Variants in ZFYVE28 observed in about 807,000 individuals in gnomAD.
ZFYVE28 encodes zinc finger FYVE-type containing 28.
In ZFYVE28, 40 loss-of-function variants were observed where a neutral mutation model predicts 82.1. The ratio of observed to expected loss-of-function variants is 0.49; its 90% CI spans 0.38 to 0.63. The LOEUF (loss-of-function observed/expected upper bound fraction) is 0.63. Ranked by LOEUF, ZFYVE28 falls within the 30% of genes least tolerant of loss-of-function variation. The pLI is 0.00. For missense variants in ZFYVE28, 1,321 were observed against 1,242.1 expected (o/e 1.06, Z -0.96); for synonymous variants, 612 against 546.1 (o/e 1.12, Z -1.68).
At chr4:2,271,226 A>G (rs973033888) in intron 12 of ZFYVE28, 85 bp downstream of exon 12, 10 of 1,383,756 alleles carry the variant, frequency 7.2e-6, no homozygotes, top group Admixed American at 2.0e-5. Flanking sequence ...CTCCCTGGGC[A>G]TCGGTTCTGA....
chr4:2,350,450 C>G (rs1361431453), intron 2 of ZFYVE28, among the ~76,000 whole-genome samples: 2 of 150,290 alleles, frequency 1.3e-5, no homozygotes, highest in Non-Finnish European at 3.0e-5. Context: ...GGCGACAGAG[C>G]GAGACTCCGT....
chr4:2,399,878 C>T (rs560112544), intron 1 of ZFYVE28, among the ~76,000 whole-genome samples: 2 of 152,374 alleles, frequency 1.3e-5, no homozygotes, highest in East Asian at 1.9e-4. Flanking sequence ...CTGTCACCCA[C>T]GTCAAAGCTT....
chr4:2,385,683 T>C (rs974671496), intron 1 of ZFYVE28, among the ~76,000 whole-genome samples: 8 of 152,178 alleles, frequency 5.3e-5, no homozygotes, highest in East Asian at 1.9e-4. Flanking sequence ...TCCAGCCCCA[T>C]TGGCTTGCCT....
intron 4 of ZFYVE28, among the ~76,000 whole-genome samples, chr4:2,338,828 GGTT>G (rs1048687095): frequency 1.3e-5 from 2 of 152,104 alleles, no homozygotes; most frequent in African/African-American, 4.8e-5. Flanking sequence ...TGTTTGTTGT[GGTT>G]GTTGTTGTTT....
intron 9 of ZFYVE28, 42 bp downstream of exon 9, chr4:2,274,020 T>C: frequency 1.2e-6 from 2 of 1,604,878 alleles, no homozygotes; most frequent in South Asian, 1.1e-5. Context: ...GCAGCCCGTG[T>C]GTCCTCAAGC....
At chr4:2,330,747 C>G in intron 6 of ZFYVE28, 3 of 1,484,966 alleles carry the variant, frequency 2.0e-6, no homozygotes, top group African/African-American at 1.4e-5. Flanking sequence ...GGGGACAGTG[C>G]GGGGGAGGGG....
Position 2,270,441 on chromosome 4 carries a change from G to T in ZFYVE28, c.*284C>A, listed in dbSNP as rs933779033. On this transcript the variant is annotated 3_prime_UTR_variant, in exon 13 of 13. Coordinates refer to ENST00000290974, the MANE Select transcript of ZFYVE28 (RefSeq NM_020972.3). Reference sequence around the variant, plus strand: ...AGATCTCCGAGGGACCAGTGGGAGGGCCCAGGCCTTCTCCGCCAGGCACCC... The same window carrying T: ...AGATCTCCGAGGGACCAGTGGGAGGTCCCAGGCCTTCTCCGCCAGGCACCC... 1.8e-5 allele frequency: 9 copies of T among 487,132 alleles called. No homozygotes were observed. Among genetic ancestry groups the T allele is most frequent in the African/African-American group, 1.6e-4 (8 of 51,252 alleles). 30.2% of individuals were successfully genotyped at this position (487,132 alleles called of 1,614,324 possible).
At chr4:2,389,401 T>G (rs1031978223) in intron 1 of ZFYVE28, among the ~76,000 whole-genome samples, 2 of 152,172 alleles carry the variant, frequency 1.3e-5, no homozygotes, top group Non-Finnish European at 2.9e-5. Context: ...ACAGACACAC[T>G]GCCCAGCCCT....
intron 6 of ZFYVE28, among the ~76,000 whole-genome samples, chr4:2,325,495 T>A (rs1229330632): frequency 6.6e-6 from 1 of 152,186 alleles, no homozygotes; most frequent in Non-Finnish European, 1.5e-5. Flanking sequence ...AAAGCGTTTG[T>A]GCAAAAATAC....
chr4:2,418,212 G>A lies in ZFYVE28; in HGVS notation c.39+73C>T. 7.0e-7 allele frequency: 1 copy of A among 1,422,118 alleles called. No individual in the cohort carries two copies. Among genetic ancestry groups the A allele is most frequent in the Non-Finnish European group, 9.4e-7 (1 of 1,063,500 alleles). 88.1% of individuals were successfully genotyped at this position (1,422,118 alleles called of 1,614,324 possible). A position where few individuals can be genotyped will look rare whatever the true frequency, so the allele number is the denominator to read the frequency against. On this transcript the variant is annotated intron_variant, in intron 1 of 12. Transcript: ENST00000290974. The surrounding 1 kb of genome is among the most constrained non-coding windows in gnomAD (Gnocchi z 4.6). ...ACAGGGAAAGGGAGTCCGTCTTGTA[G>A]GGCGGACGGGCGGTCCTGGGGAAGG...
chr4:2,337,622 C>A, intron 4 of ZFYVE28, 126 bp from the exon 5 acceptor site: 2 of 691,192 alleles, frequency 2.9e-6, no homozygotes, highest in Non-Finnish European at 4.8e-6. Context: ...GGCCTCACGC[C>A]TGTAATCCCA....
chr4:2,348,117 C>T (rs920037872), intron 2 of ZFYVE28, among the ~76,000 whole-genome samples: 23 of 152,084 alleles, frequency 1.5e-4, no homozygotes, highest in African/African-American at 5.1e-4. Flanking sequence ...ATAACAGGAA[C>T]GAGAGAGGTG....
At chr4:2,283,028 AACCACAT>A (rs1712159113) in intron 8 of ZFYVE28, among the ~76,000 whole-genome samples, 2 of 152,218 alleles carry the variant, frequency 1.3e-5, no homozygotes, top group South Asian at 4.1e-4. Context: ...GCATTTGTAC[AACCACAT>A]ACCAATTCTA....
At position 2,269,648 on chromosome 4, in the gene ZFYVE28, A is replaced by C. The variant is rs1735754671; in HGVS notation, c.*1077T>G. ...ATGGCTTCAAATTACAGCATTTAGA[A>C]AATAAATATAATCTCAATACATAAT... is the stretch of plus-strand genomic sequence containing the variant. On this transcript the variant is annotated 3_prime_UTR_variant, in exon 13 of 13. Coordinates refer to ENST00000290974, the MANE Select transcript of ZFYVE28 (RefSeq NM_020972.3). 6.6e-6 allele frequency: 1 copy of C among 152,232 alleles called. No individual in the cohort carries two copies. Among genetic ancestry groups the C allele is most frequent in the South Asian group, 2.1e-4 (1 of 4,830 alleles). 9.4% of individuals were successfully genotyped at this position (152,232 alleles called of 1,614,324 possible).
intron 6 of ZFYVE28, chr4:2,324,718 A>C: frequency 6.0e-6 from 1 of 166,682 alleles, no homozygotes; most frequent in South Asian, 1.6e-4. Flanking sequence ...ACGAATCCCC[A>C]CATAATGCTA....
chr4:2,275,245 CAG>C lies in ZFYVE28; in HGVS notation c.2052-1031_2052-1030del, dbSNP rs568850418. 1.2e-4 allele frequency among the ~76,000 whole-genome samples: 18 copies of C among 152,342 alleles called. No homozygotes were observed. In the South Asian group the frequency reaches 3.7e-3, roughly 32 times the overall value. ...CTCAGCTTTCATCAGATTTGCTACT[CAG>C]GGGTTCCACGGTGACCCTATAAATC... On this transcript the variant is annotated intron_variant, in intron 8 of 12. Transcript: ENST00000290974.
chr4:2,329,182 G>A lies in ZFYVE28; in HGVS notation c.701+6523C>T, dbSNP rs1184066932. The A allele has an allele frequency of 7.3e-6, 5 of 689,410 alleles. No individual in the cohort carries two copies. The Admixed American group carries it at 1.0e-4, about 14-fold the overall frequency. 42.7% of individuals were successfully genotyped at this position (689,410 alleles called of 1,614,324 possible). On this transcript the variant is annotated intron_variant, in intron 6 of 12. Transcript: ENST00000290974. ...GGCCAATGGAGTTTCGACAGCAATT[G>A]CACAGAATCTGTAGATCACTTTATG...
rs549397966 is a variant in ZFYVE28 at position 2,291,330 on chromosome 4, G to C, written c.2051+12959C>G. Among the ~76,000 whole-genome samples, 22 of 152,332 alleles carry C rather than the reference G, an allele frequency of 1.4e-4. No homozygotes were observed. In the South Asian group the frequency reaches 4.1e-3, roughly 29 times the overall value. On this transcript the variant is annotated intron_variant, in intron 8 of 12. Transcript: ENST00000290974. ...GGAATTTTCCTGGTCCCATGGGGTG[G>C]AGGAAAACGACCCCTTGAGAATGCT...
At chr4:2,407,884 C>A (rs1416133849) in intron 1 of ZFYVE28, among the ~76,000 whole-genome samples, 1 of 152,230 alleles carries the variant, frequency 6.6e-6, no homozygotes, top group Non-Finnish European at 1.5e-5. Context: ...CTGTGCCTGG[C>A]CTGCCTTGTG....
Sources: allele counts gnomAD v4.1 joint callset (sites outside exome capture counted in the v4.1 genomes callset), GRCh38; gene constraint gnomAD v4.1.1; non-coding constraint Gnocchi (gnomAD v3.1); transcripts MANE v1.5; gene names NCBI Gene and HGNC (gene_info 2026-07-23, HGNC 2026-07-21).